CRACDL: variants seen among roughly 807,000 people sequenced by gnomAD.
CRACDL encodes the protein CRACD-like protein.
Under a neutral mutation model 70.6 loss-of-function variants are expected in CRACDL, and 26 were observed. The observed-to-expected ratio is 0.37, with a 90% CI of 0.27 to 0.51. The LOEUF is 0.51. CRACDL is among the 20% of genes least tolerant of loss of function. The pLI is 0.94. For missense variants in CRACDL, 1,283 were observed against 1,376.9 expected, an observed-to-expected ratio of 0.93 and a Z score of 1.08; for synonymous variants, 618 against 615.2, an observed-to-expected ratio of 1.00 and a Z score of -0.07.
intron 1 of CRACDL, among the ~76,000 whole-genome samples, chr2:98,901,809 A>G (rs979273787): frequency 1.3e-5 from 2 of 152,142 alleles, no homozygotes; most frequent in African/African-American, 2.4e-5. Flanking sequence ...ACAACAAGTG[A>G]CCTGGTGCTG....
chr2:98,797,312 T>G, intron 8 of CRACDL, 38 bp downstream of exon 8: 11 of 1,600,306 alleles, frequency 6.9e-6, no homozygotes, highest in Non-Finnish European at 9.4e-6. Context: ...GGCTGCTCCC[T>G]CCTGCACCCA....
intron 7 of CRACDL, among the ~76,000 whole-genome samples, chr2:98,813,121 T>TA (rs1339222701): frequency 6.6e-6 from 1 of 152,188 alleles, no homozygotes; most frequent in Non-Finnish European, 1.5e-5. Flanking sequence ...TACAATTTGA[T>TA]AATATTTTGT....
intron 7 of CRACDL, among the ~76,000 whole-genome samples, chr2:98,802,669 AG>A (rs1284216882): frequency 6.6e-6 from 1 of 152,178 alleles, no homozygotes; most frequent in Non-Finnish European, 1.5e-5. Flanking sequence ...TTTTTCTTTC[AG>A]AAGGACTTCT....
chr2:98,899,549 A>T (rs991440129), intron 1 of CRACDL, among the ~76,000 whole-genome samples: 11 of 152,242 alleles, frequency 7.2e-5, no homozygotes, highest in Non-Finnish European at 1.5e-4. Flanking sequence ...GGGTGGCCCC[A>T]CAGGCAAGGG....
At chr2:98,817,194 T>C (rs1424022552) in intron 7 of CRACDL, among the ~76,000 whole-genome samples, 1 of 152,062 alleles carries the variant, frequency 6.6e-6, no homozygotes, top group South Asian at 2.1e-4. Context: ...CATGAGGAGC[T>C]GGGCGGGGGA....
intron 1 of CRACDL, among the ~76,000 whole-genome samples, chr2:98,859,757 G>A (rs1706861169): frequency 1.3e-5 from 2 of 152,112 alleles, no homozygotes; most frequent in Admixed American, 6.5e-5. Context: ...AAAAGACAAG[G>A]ACATCTACTG....
chr2:98,799,036 T>C (rs931311650), intron 7 of CRACDL, among the ~76,000 whole-genome samples: 7 of 152,172 alleles, frequency 4.6e-5, no homozygotes, highest in Non-Finnish European at 7.3e-5. Context: ...AGGTTCCCCA[T>C]GAGCCTGCTT....
intron 5 of CRACDL, among the ~76,000 whole-genome samples, chr2:98,829,292 C>T (rs1705442075): frequency 6.6e-6 from 1 of 152,266 alleles, no homozygotes; most frequent in East Asian, 1.9e-4. Flanking sequence ...TGGCATGGAG[C>T]TTAACTTCCC....
At position 98,794,657 on chromosome 2, in the gene CRACDL, T is replaced by TC; in HGVS notation, c.2763dup (p.Met922AspfsTer35). The TC allele has an allele frequency of 6.2e-7, 1 of 1,613,482 alleles. No individual in the cohort carries two copies. On this transcript the variant is annotated frameshift_variant, in exon 10 of 10. Transcript: ENST00000397899. LOFTEE classifies it high-confidence loss of function. ...AGCTGATGCAGTTCCTTCTCCATCA[T>TC]CACTGCAGACTGAGCTGCTTGGAAG...
intron 1 of CRACDL, among the ~76,000 whole-genome samples, chr2:98,871,100 T>C (rs1415754212): frequency 2.0e-5 from 3 of 152,350 alleles, no homozygotes; most frequent in East Asian, 3.9e-4. Flanking sequence ...TCTGCTCAAA[T>C]TTCAGGAGCA....
chr2:98,807,511 G>A (rs1476134018), intron 7 of CRACDL, among the ~76,000 whole-genome samples: 1 of 152,212 alleles, frequency 6.6e-6, no homozygotes, highest in Non-Finnish European at 1.5e-5. Context: ...AATGTCTGCT[G>A]GGGCCCATGC....
At chr2:98,795,077 ATTTTT>A (rs1181969802) in intron 9 of CRACDL, among the ~76,000 whole-genome samples, 23 of 58,382 alleles carry the variant, frequency 3.9e-4, no homozygotes, top group South Asian at 2.0e-3. Flanking sequence ...ATATATATAT[ATTTTT>A]TTTTTTTTTT....
rs147301177 is a variant in CRACDL, at chr2:98,860,546, C to T, written c.-10-13736G>A. Among the ~76,000 whole-genome samples the T allele has an allele frequency of 3.7e-3, 558 of 152,196 alleles. 8 individuals carry two copies. Among genetic ancestry groups the T allele is most frequent in the African/African-American group, 1.4e-3 (60 of 41,510 alleles). ...GAGGGATATCATCTTTTCAACAAAC[C>T]GGGCTGGAACAAGTAGACATCGACA... On this transcript the variant is annotated intron_variant, in intron 1 of 9. Coordinates refer to ENST00000397899, the MANE Select transcript of CRACDL (RefSeq NM_207362.3).
intron 2 of CRACDL, among the ~76,000 whole-genome samples, chr2:98,842,333 A>T (rs1014890396): frequency 6.6e-6 from 1 of 151,696 alleles, no homozygotes; most frequent in Non-Finnish European, 1.5e-5. Context: ...ATTTAAAATA[A>T]AATTTTAATA....
Position 98,838,283 on chromosome 2 carries a change from C to A in CRACDL, c.75G>T (p.Lys25Asn). The stretch of plus-strand genomic sequence containing the variant: ...TAAAAGTTTTGAATTTAGATTTTTT[C>A]TTTCCTATACAGATTAGAGAAAAAA... ...AEGLGEDSTG[K>N]KKSKFKTFKK... Residue 25 changes from lysine to asparagine, a missense_variant, in exon 3 of 10, where the codon AAG (lysine) becomes AAT (asparagine). By Grantham distance (94) the Lys-to-Asn change is moderately conservative. This residue lies in a region of CRACDL where 362 missense variants were observed against 495.0 expected (regional missense o/e 0.73). Coordinates refer to ENST00000397899, the MANE Select transcript of CRACDL (RefSeq NM_207362.3). 2.6e-6 allele frequency: 4 copies of A among 1,562,542 alleles called. No homozygotes were observed. Among genetic ancestry groups the A allele is most frequent in the East Asian group, 2.3e-5 (1 of 43,702 alleles).
chr2:98,917,883 T>A (rs1010090252), intron 1 of CRACDL, among the ~76,000 whole-genome samples: 2 of 152,252 alleles, frequency 1.3e-5, no homozygotes, highest in African/African-American at 2.4e-5. Context: ...GGGTATTTTG[T>A]CTTTCTAAGT....
intron 1 of CRACDL, among the ~76,000 whole-genome samples, chr2:98,912,076 CAG>C (rs1220661150): frequency 1.3e-5 from 2 of 152,194 alleles, no homozygotes; most frequent in African/African-American, 4.8e-5. Flanking sequence ...CCCTAATGAG[CAG>C]AGAGTGACAA....
In CRACDL at chr2:98,796,153, G is replaced by A; in HGVS notation, c.2716C>T (p.Gln906Ter). 4 of 1,614,156 alleles carry A rather than the reference G, an allele frequency of 2.5e-6. No homozygotes were observed. Among genetic ancestry groups the A allele is most frequent in the Non-Finnish European group, 3.4e-6 (4 of 1,179,980 alleles). Residue 906 changes from glutamine to a stop codon, truncating the protein, a stop_gained, in exon 9 of 10, where the codon CAA becomes TAA. Coordinates refer to ENST00000397899, the MANE Select transcript of CRACDL (RefSeq NM_207362.3). LOFTEE classifies it high-confidence loss of function. ...TGATGGGACAATGAGATTCCTCTTT[G>A]CAGCCCCTCCTTGAAGTTGAGCTTT... ...GAKLNFKEGLQRGISLSHQNL... is the reference protein window; with the variant it reads ...GAKLNFKEGL
At chr2:98,813,975 A>C (rs1387428900) in intron 7 of CRACDL, among the ~76,000 whole-genome samples, 1 of 152,136 alleles carries the variant, frequency 6.6e-6, no homozygotes. Context: ...TGTCAAATTT[A>C]TGTGCGTAGA....
Sources: gnomAD v4.1 joint callset for allele counts (sites outside exome capture counted in the v4.1 genomes callset) on GRCh38, gnomAD v4.1.1 for gene constraint, gnomAD v4.1.1 regional missense constraint, MANE v1.5 for transcripts, NCBI Gene and HGNC (gene_info 2026-07-23, HGNC 2026-07-21) for gene names.